ANK2: variants seen among roughly 807,000 people sequenced by gnomAD.
ANK2 encodes ankyrin 2.
A neutral mutation model predicts 360.5 loss-of-function variants in ANK2; 83 were observed. The ratio of observed to expected loss-of-function variants is 0.23; its 90% CI spans 0.19 to 0.28. The LOEUF (loss-of-function observed/expected upper bound fraction) is 0.28. ANK2 is among the 10% of genes least tolerant of loss of function. The pLI, the probability that ANK2 is intolerant of heterozygous loss-of-function variation, is 1.00. For missense variants in ANK2, 4,201 were observed against 4,795.7 expected, an observed-to-expected ratio of 0.88 and a Z score of 3.66; for synonymous variants, 1,740 against 1,759.5, an observed-to-expected ratio of 0.99 and a Z score of 0.28.
rs1471632483 is a variant in ANK2 at position 113,159,233 on chromosome 4, G to GTTTAT, written c.85-15182_85-15178dup. ...CACACACACACACACACACACACTA[G>GTTTAT]TTTATATTATATTACAGGTAGATAT... is the stretch of plus-strand genomic sequence containing the variant. On this transcript the variant is annotated intron_variant, in intron 1 of 45. Coordinates refer to ENST00000357077, the MANE Select transcript of ANK2 (RefSeq NM_001148.6). 2.6e-5 allele frequency among the ~76,000 whole-genome samples: 3 copies of GTTTAT among 113,534 alleles called. No individual in the cohort carries two copies. In the East Asian group the frequency reaches 1.1e-3, roughly 40 times the overall value. The allele number at this position is 113,534 out of a possible 152,430, so 74.5% of individuals were successfully genotyped here. A position where few individuals can be genotyped will look rare whatever the true frequency, so the allele number is the denominator to read the frequency against.
chr4:112,896,863 G>C (rs1180482909), intron 1 of ANK2, among the ~76,000 whole-genome samples: 1 of 152,210 alleles, frequency 6.6e-6, no homozygotes, highest in East Asian at 1.9e-4. Context: ...CACCCTCATA[G>C]TGAAGCTGTT....
At chr4:113,158,725 T>G (rs1262225264) in intron 1 of ANK2, among the ~76,000 whole-genome samples, 1 of 152,202 alleles carries the variant, frequency 6.6e-6, no homozygotes, top group Non-Finnish European at 1.5e-5. Flanking sequence ...CTTTAATTAC[T>G]GAGACAAGGG....
the ANK2 span, among the ~76,000 whole-genome samples, chr4:112,763,422 C>T: frequency 2.0e-5 from 3 of 151,634 alleles, no homozygotes; most frequent in Non-Finnish European, 2.9e-5. Context: ...TTAGTAGATA[C>T]GGGGTTTCAC....
intron 2 of ANK2, among the ~76,000 whole-genome samples, chr4:112,910,226 C>G (rs2086650919): frequency 6.6e-6 from 1 of 152,140 alleles, no homozygotes; most frequent in Non-Finnish European, 1.5e-5. Context: ...GTGAATCTGG[C>G]CCGCTTCATT....
At chr4:112,840,681 T>C (rs2061902474) in intron 1 of ANK2, among the ~76,000 whole-genome samples, 1 of 152,230 alleles carries the variant, frequency 6.6e-6, no homozygotes, top group Non-Finnish European at 1.5e-5. Context: ...TACAATGTCT[T>C]ATATGCCTAA....
Position 112,990,971 on chromosome 4 carries a change from G to T in ANK2, c.21+86457G>T, listed in dbSNP as rs183897191. Among the ~76,000 whole-genome samples, 584 of 152,200 alleles carry T rather than the reference G, an allele frequency of 3.8e-3. 4 individuals carry two copies. Among genetic ancestry groups the T allele is most frequent in the African/African-American group, 0.014 (571 of 41,528 alleles). On this transcript the variant is annotated intron_variant, in intron 2 of 30. Coordinates refer to the ANK2 transcript ENST00000503271. ...TTTTCTTTCTTTGAAATCCTATTGG[G>T]CAAGGCTCAGTGGTTCATGCCTGTA...
the ANK2 span, among the ~76,000 whole-genome samples, chr4:112,767,539 A>G: frequency 6.7e-6 from 1 of 150,268 alleles, no homozygotes; most frequent in Non-Finnish European, 1.5e-5. Flanking sequence ...CCAGCCTGGC[A>G]CTGGGTGTCA....
At chr4:112,743,147 G>A in the ANK2 span, among the ~76,000 whole-genome samples, 1 of 152,172 alleles carries the variant, frequency 6.6e-6, no homozygotes, top group South Asian at 2.1e-4. Flanking sequence ...TTCTTCTACA[G>A]GCTGACCATT....
rs1318639708 is a variant in ANK2, at chr4:113,373,160, C to G, written c.11681C>G (p.Thr3894Ser). The change falls in exon 44 of 46, where the codon ACC (threonine) becomes AGC (serine). Residue 3894 changes from threonine to serine, a missense_variant. Physicochemically the swap from Thr to Ser is moderately conservative, Grantham distance 58. Around this residue, in one of 4 missense-constraint regions of ANK2, gnomAD observed 2,642 missense variants for 2,714.5 expected, o/e 0.97. Coordinates refer to ENST00000357077, the MANE Select transcript of ANK2 (RefSeq NM_001148.6). ...EEEYIDEHGH[T>S]VVKKVTRKII... The stretch of plus-strand genomic sequence containing the variant: ...GAATACATTGATGAGCATGGACACA[C>G]CGTGGTAAAGAAGGTATTGTCTAGT... 3.1e-6 allele frequency: 5 copies of G among 1,613,832 alleles called. No individual in the cohort carries two copies. The African/African-American group carries it at 6.7e-5, about 22-fold the overall frequency.
intron 4 of ANK2, among the ~76,000 whole-genome samples, chr4:113,210,500 G>A (rs2099009163): frequency 6.6e-6 from 1 of 152,148 alleles, no homozygotes. Context: ...ATTTAAACCT[G>A]GACTGTCTTC....
At chr4:113,213,913 G>T in intron 4 of ANK2, 1 of 583,044 alleles carries the variant, frequency 1.7e-6, no homozygotes, top group Non-Finnish European at 3.0e-6. Flanking sequence ...AGAGAACTAT[G>T]AATATAAATG....
chr4:112,963,384 A>G (rs1561310318), intron 2 of ANK2, among the ~76,000 whole-genome samples: 1 of 152,160 alleles, frequency 6.6e-6, no homozygotes, highest in East Asian at 1.9e-4. Flanking sequence ...ACCAACCTCT[A>G]ATAGTCAAAA....
chr4:113,270,967 A>C lies in ANK2; in HGVS notation c.1486-3485A>C, dbSNP rs143940454. ...AACAGTGCTTTAGAATTCATCAAGC[A>C]TTTAAACACAAAGTGTCTTATTTGA... On this transcript the variant is annotated intron_variant, in intron 14 of 45. Transcript: ENST00000357077. 1.8e-3 allele frequency among the ~76,000 whole-genome samples: 276 copies of C among 152,322 alleles called. 3 individuals carry two copies. The highest frequency in any genetic ancestry group is 9.4e-4 in the Non-Finnish European group (64 of 68,036).
chr4:113,146,102 C>T (rs2154389436), intron 1 of ANK2: 1 of 1,207,534 alleles, frequency 8.3e-7, no homozygotes, highest in Non-Finnish European at 1.1e-6. Context: ...TGGAAGGAAG[C>T]TGACAGAATA....
chr4:112,791,792 A>G, the ANK2 span, among the ~76,000 whole-genome samples: 2 of 151,776 alleles, frequency 1.3e-5, no homozygotes, highest in Non-Finnish European at 2.9e-5. Context: ...CGCCCAGCCT[A>G]GCCTCTTACT....
intron 2 of ANK2, among the ~76,000 whole-genome samples, chr4:112,924,487 G>C (rs1222893705): frequency 6.6e-6 from 1 of 152,052 alleles, no homozygotes; most frequent in Non-Finnish European, 1.5e-5. Context: ...TGAGAAAACA[G>C]CTTTTTAAAA....
intron 1 of ANK2, among the ~76,000 whole-genome samples, chr4:113,055,054 T>A (rs1317522491): frequency 6.6e-6 from 1 of 152,046 alleles, no homozygotes; most frequent in Non-Finnish European, 1.5e-5. Context: ...CCTTTGAGGA[T>A]TTTTAACAGG....
At chr4:113,256,068 A>C (rs2049146568) in intron 11 of ANK2, 136 bp downstream of exon 11, 6 of 1,078,402 alleles carry the variant, frequency 5.6e-6, no homozygotes, top group Non-Finnish European at 8.2e-6. Context: ...CATCCTTCAC[A>C]ATCAGCCTGT....
At chr4:112,741,560 G>A in the ANK2 span, among the ~76,000 whole-genome samples, 1 of 152,208 alleles carries the variant, frequency 6.6e-6, no homozygotes, top group Non-Finnish European at 1.5e-5. Flanking sequence ...TGTCCATACA[G>A]ACGCCTAGTG....
Sources: gnomAD v4.1 joint callset for allele counts (sites outside exome capture counted in the v4.1 genomes callset) on GRCh38, gnomAD v4.1.1 for gene constraint, gnomAD v4.1.1 regional missense constraint, MANE v1.5 for transcripts, NCBI Gene and HGNC (gene_info 2026-07-23, HGNC 2026-07-21) for gene names.